Variants in NRXN1 observed in about 807,000 individuals in gnomAD.
The protein encoded by NRXN1 is neurexin-1.
In NRXN1, 39 loss-of-function variants were observed where a neutral mutation model predicts 150.9. The ratio of observed to expected loss-of-function variants is 0.26; its 90% CI spans 0.20 to 0.34. NRXN1 has a LOEUF of 0.34. Ranked by LOEUF, NRXN1 falls within the 10% of genes least tolerant of loss-of-function variation. NRXN1 has a pLI of 1.00. For missense variants in NRXN1, 1,815 were observed against 1,949.9 expected (o/e 0.93, Z 1.30); for synonymous variants, 924 against 757.0 (o/e 1.22, Z -3.62).
chr2:50,501,702 G>A (rs1467705079), intron 13 of NRXN1, among the ~76,000 whole-genome samples: 1 of 151,432 alleles, frequency 6.6e-6, no homozygotes, highest in Non-Finnish European at 1.5e-5. Flanking sequence ...TTGAAGCCCA[G>A]TGACTTCCCA....
intron 17 of NRXN1, among the ~76,000 whole-genome samples, chr2:50,352,019 A>T (rs1214295370): frequency 6.6e-6 from 1 of 152,086 alleles, no homozygotes; most frequent in Non-Finnish European, 1.5e-5. Flanking sequence ...ACTCTTGGAA[A>T]CGGGGTTCAC....
intron 5 of NRXN1, among the ~76,000 whole-genome samples, chr2:50,801,362 C>G (rs1229569487): frequency 6.6e-6 from 1 of 152,112 alleles, no homozygotes; most frequent in Non-Finnish European, 1.5e-5. Context: ...TTATGTCAAT[C>G]TGCAATATGT....
intron 5 of NRXN1, among the ~76,000 whole-genome samples, chr2:50,773,783 T>C (rs1703285552): frequency 6.6e-6 from 1 of 152,142 alleles, no homozygotes; most frequent in African/African-American, 2.4e-5. Context: ...TGAGGTGTGC[T>C]GGCAGAAGCG....
chr2:50,274,004 G>T (rs1478011417), intron 17 of NRXN1, among the ~76,000 whole-genome samples: 1 of 152,114 alleles, frequency 6.6e-6, no homozygotes, highest in Non-Finnish European at 1.5e-5. Flanking sequence ...AATACCATTT[G>T]ACCCAGCAAT....
intron 17 of NRXN1, among the ~76,000 whole-genome samples, chr2:50,254,586 C>A (rs555209327): frequency 2.0e-5 from 3 of 150,506 alleles, no homozygotes; most frequent in African/African-American, 7.5e-5. Flanking sequence ...AATGCTTTAG[C>A]TGCATCCCAA....
intron 16 of NRXN1, among the ~76,000 whole-genome samples, chr2:50,470,969 A>AGAC (rs1431080317): frequency 1.3e-5 from 2 of 151,876 alleles, no homozygotes; most frequent in African/African-American, 4.8e-5. Context: ...TTGCTAAAAC[A>AGAC]GACTGAAAAT....
At chr2:50,012,090 T>TC (rs1211835049) in intron 21 of NRXN1, among the ~76,000 whole-genome samples, 2 of 152,152 alleles carry the variant, frequency 1.3e-5, no homozygotes, top group Non-Finnish European at 2.9e-5. Flanking sequence ...TTCTGGATTT[T>TC]CCCCCCATCT....
At chr2:50,294,741 T>A (rs539486001) in intron 17 of NRXN1, among the ~76,000 whole-genome samples, 14 of 152,286 alleles carry the variant, frequency 9.2e-5, no homozygotes, top group African/African-American at 3.4e-4. Context: ...GTTTGATGAG[T>A]AAAATATCAG....
chr2:50,720,129 C>G (rs1443277073), intron 5 of NRXN1, among the ~76,000 whole-genome samples: 1 of 152,048 alleles, frequency 6.6e-6, no homozygotes, highest in East Asian at 1.9e-4. Context: ...AGCAAGTGGT[C>G]TGATTTTTGG....
intron 12 of NRXN1, among the ~76,000 whole-genome samples, chr2:50,509,675 C>T (rs1302232792): frequency 6.6e-6 from 1 of 152,272 alleles, no homozygotes; most frequent in Non-Finnish European, 1.5e-5. Context: ...TGTCCTCTTG[C>T]TATAATTTTA....
chr2:50,025,915 T>A (rs1449699534), intron 21 of NRXN1, among the ~76,000 whole-genome samples: 2 of 152,230 alleles, frequency 1.3e-5, no homozygotes, highest in Non-Finnish European at 2.9e-5. Flanking sequence ...GTAATGACTT[T>A]AGCCTATGTG....
chr2:50,033,002 A>G (rs575346147), intron 21 of NRXN1, among the ~76,000 whole-genome samples: 173 of 151,760 alleles, frequency 1.1e-3, no homozygotes, highest in African/African-American at 4.1e-3. Flanking sequence ...TTATATATAT[A>G]TTTTGTTATA....
chr2:50,480,370 C>A (rs1366182987), intron 15 of NRXN1, among the ~76,000 whole-genome samples: 2 of 152,094 alleles, frequency 1.3e-5, no homozygotes, highest in Non-Finnish European at 2.9e-5. Context: ...CCTATCCTGG[C>A]CTTCTGTTTC....
chr2:50,625,256 G>C (rs1341090440), intron 5 of NRXN1, among the ~76,000 whole-genome samples: 1 of 152,056 alleles, frequency 6.6e-6, no homozygotes. Flanking sequence ...CCTGGATGTA[G>C]AAAATGGCCA....
intron 2 of NRXN1, among the ~76,000 whole-genome samples, chr2:50,928,575 G>A (rs1009599007): frequency 2.0e-5 from 3 of 151,484 alleles, no homozygotes; most frequent in South Asian, 2.1e-4. Context: ...AATAAATGTC[G>A]AGTCAAAAAA....
At chr2:49,926,255 C>T (rs1249167737) in intron 22 of NRXN1, 2 of 397,914 alleles carry the variant, frequency 5.0e-6, no homozygotes, top group African/African-American at 4.1e-5. Context: ...ATAGAAAAAT[C>T]CCTGGGACTC....
intron 17 of NRXN1, among the ~76,000 whole-genome samples, chr2:50,336,033 A>G (rs1575130690): frequency 6.6e-6 from 1 of 152,054 alleles, no homozygotes; most frequent in African/African-American, 2.4e-5. Flanking sequence ...CAGAGGCCCT[A>G]TTTCACTCCA....
intron 18 of NRXN1, among the ~76,000 whole-genome samples, chr2:50,145,717 C>T (rs550977741): frequency 6.6e-6 from 1 of 151,752 alleles, no homozygotes; most frequent in East Asian, 1.9e-4. Context: ...TCCTTTAATA[C>T]ATCTTGGAGT....
chr2:50,991,575 T>A (rs1156294987), intron 2 of NRXN1, among the ~76,000 whole-genome samples: 4 of 152,012 alleles, frequency 2.6e-5, no homozygotes, highest in African/African-American at 9.7e-5. Context: ...CTTTGACTAG[T>A]CTCTATAGTT....
Sources: gnomAD v4.1 joint callset for allele counts (sites outside exome capture counted in the v4.1 genomes callset) on GRCh38, gnomAD v4.1.1 for gene constraint, MANE v1.5 for transcripts, NCBI Gene and HGNC (gene_info 2026-07-23, HGNC 2026-07-21) for gene names.